Variants in GLIS3 observed in about 807,000 individuals in gnomAD.
GLIS3 encodes the protein GLIS family zinc finger 3, also known as zinc finger protein GLIS3.
In GLIS3, 53 loss-of-function variants were observed where a neutral mutation model predicts 78.6. The observed-to-expected ratio is 0.67, with a 90% CI of 0.54 to 0.85. GLIS3 has a LOEUF of 0.85. Ranked by LOEUF, GLIS3 falls within the 40% of genes least tolerant of loss-of-function variation. The pLI is 0.00. For synonymous variants in GLIS3, 684 were observed against 509.9 expected (o/e 1.34, Z -4.60); for missense variants, 1,703 against 1,231.1 (o/e 1.38, Z -5.74).
chr9:4,005,943 T>C (rs1821509029), intron 4 of GLIS3, among the ~76,000 whole-genome samples: 1 of 152,210 alleles, frequency 6.6e-6, no homozygotes, highest in Non-Finnish European at 1.5e-5. Flanking sequence ...AGTACTACTG[T>C]AGTCTGAAGT....
intron 4 of GLIS3, among the ~76,000 whole-genome samples, chr9:3,953,429 C>G (rs1816831304): frequency 6.6e-6 from 1 of 152,144 alleles, no homozygotes; most frequent in South Asian, 2.1e-4. Flanking sequence ...TGTGGATAGA[C>G]TAAAATGGGC....
At chr9:4,423,777 T>G in the GLIS3 span, among the ~76,000 whole-genome samples, 1 of 152,224 alleles carries the variant, frequency 6.6e-6, no homozygotes, top group Non-Finnish European at 1.5e-5. Flanking sequence ...TTCCTGGTAT[T>G]TCTAGACCTT....
At chr9:4,130,189 T>G (rs1171934731) in intron 2 of GLIS3, among the ~76,000 whole-genome samples, 1 of 152,166 alleles carries the variant, frequency 6.6e-6, no homozygotes, top group African/African-American at 2.4e-5. Flanking sequence ...GAGCTGAAAC[T>G]GGAAGTTATA....
At chr9:4,384,551 A>G in the GLIS3 span, among the ~76,000 whole-genome samples, 1 of 148,968 alleles carries the variant, frequency 6.7e-6, no homozygotes, top group Admixed American at 6.7e-5. Context: ...TTTATATAAT[A>G]TATATAAAAC....
intron 8 of GLIS3, among the ~76,000 whole-genome samples, chr9:3,866,109 G>C (rs1820562173): frequency 1.3e-5 from 2 of 152,332 alleles, no homozygotes; most frequent in East Asian, 3.9e-4. Context: ...AATGAGAGTA[G>C]TATTCTTGCT....
chr9:4,441,028 T>C, the GLIS3 span, among the ~76,000 whole-genome samples: 2 of 152,340 alleles, frequency 1.3e-5, no homozygotes, highest in African/African-American at 4.8e-5. Flanking sequence ...ACTAAATTCA[T>C]TTATTAGTTC....
chr9:4,248,674 C>A (rs966264346), intron 2 of GLIS3, among the ~76,000 whole-genome samples: 3 of 152,154 alleles, frequency 2.0e-5, no homozygotes, highest in Non-Finnish European at 4.4e-5. Flanking sequence ...CACTGTCTTC[C>A]ACATGGTTGA....
intron 2 of GLIS3, among the ~76,000 whole-genome samples, chr9:4,229,973 G>C (rs1010001255): frequency 1.3e-4 from 20 of 152,232 alleles, no homozygotes; most frequent in African/African-American, 3.9e-4. Context: ...TAGGAAGAAA[G>C]TAAATCCCTT....
chr9:4,398,253 A>G, the GLIS3 span, among the ~76,000 whole-genome samples: 4 of 152,116 alleles, frequency 2.6e-5, no homozygotes, highest in African/African-American at 7.2e-5. Flanking sequence ...AAGAAGTAGC[A>G]TAAGTGGTTA....
the GLIS3 span, among the ~76,000 whole-genome samples, chr9:4,419,840 A>C: frequency 2.0e-5 from 3 of 152,068 alleles, no homozygotes; most frequent in African/African-American, 7.2e-5. Context: ...GAACTCACTC[A>C]CTATCTCAAT....
chr9:4,341,705 C>T (rs2130585631), intron 2 of GLIS3, among the ~76,000 whole-genome samples: 1 of 152,272 alleles, frequency 6.6e-6, no homozygotes, highest in East Asian at 1.9e-4. Flanking sequence ...ATAACTGTGC[C>T]CAGGTACTCT....
intron 6 of GLIS3, among the ~76,000 whole-genome samples, chr9:3,929,447 G>A (rs1223526220): frequency 2.6e-5 from 4 of 152,118 alleles, no homozygotes; most frequent in East Asian, 1.9e-4. Flanking sequence ...AAAGGGCCAC[G>A]TGCCCACGGT....
intron 8 of GLIS3, among the ~76,000 whole-genome samples, chr9:3,858,304 T>C (rs1819921699): frequency 6.6e-6 from 1 of 152,194 alleles, no homozygotes; most frequent in Admixed American, 6.5e-5. Context: ...CCTATATATA[T>C]ATGATTCTAT....
At chr9:4,464,689 C>G in the GLIS3 span, among the ~76,000 whole-genome samples, 1 of 152,106 alleles carries the variant, frequency 6.6e-6, no homozygotes, top group Non-Finnish European at 1.5e-5. Context: ...GCCACCATGC[C>G]TGGCCTGATA....
intron 2 of GLIS3, among the ~76,000 whole-genome samples, chr9:4,156,717 A>G (rs576562602): frequency 2.0e-5 from 3 of 152,178 alleles, no homozygotes; most frequent in African/African-American, 7.2e-5. Context: ...CATTATGCTT[A>G]AGCGTCAGTA....
At chr9:4,447,423 TC>T in the GLIS3 span, among the ~76,000 whole-genome samples, 1 of 152,114 alleles carries the variant, frequency 6.6e-6, no homozygotes, top group African/African-American at 2.4e-5. Flanking sequence ...CAGGAAGTAG[TC>T]CCTGAACAAT....
chr9:4,276,342 GA>G (rs1826982375), intron 2 of GLIS3, among the ~76,000 whole-genome samples: 2 of 50,020 alleles, frequency 4.0e-5, no homozygotes, highest in Non-Finnish European at 8.7e-5. Context: ...GAGAGGGAAG[GA>G]GAGGGCACGG....
chr9:3,951,836 G>C (rs968253432), intron 4 of GLIS3, among the ~76,000 whole-genome samples: 2 of 86,104 alleles, frequency 2.3e-5, no homozygotes, highest in African/African-American at 9.4e-5. Flanking sequence ...AGAGGAATAA[G>C]CATGAACACA....
the GLIS3 span, among the ~76,000 whole-genome samples, chr9:4,401,049 A>T: frequency 4.6e-5 from 7 of 152,104 alleles, no homozygotes; most frequent in Admixed American, 3.9e-4. Flanking sequence ...AGTAAAGAGG[A>T]CTTTGTCTTG....
Sources: allele counts gnomAD v4.1 joint callset (sites outside exome capture counted in the v4.1 genomes callset), GRCh38; gene constraint gnomAD v4.1.1; transcripts MANE v1.5; gene names NCBI Gene and HGNC (gene_info 2026-07-23, HGNC 2026-07-21).